Variants in RSRC1 observed in about 807,000 individuals in gnomAD.
RSRC1 encodes serine/Arginine-related protein 53.
A neutral mutation model predicts 49.1 loss-of-function variants in RSRC1; 39 were observed. That is an observed-to-expected ratio of 0.79 (90% CI 0.61 to 1.04). RSRC1 has a LOEUF of 1.04. Ranked by LOEUF, RSRC1 falls within the 50% of genes least tolerant of loss-of-function variation. The pLI is 0.00. For missense variants in RSRC1, 388 were observed against 402.4 expected (o/e 0.96, Z 0.31); for synonymous variants, 143 against 130.8 (o/e 1.09, Z -0.63).
intron 6 of RSRC1, among the ~76,000 whole-genome samples, chr3:158,450,112 C>T (rs1284148768): frequency 6.6e-6 from 1 of 151,952 alleles, no homozygotes; most frequent in African/African-American, 2.4e-5. Context: ...CCTTCTTCAT[C>T]TTTCCATCCT....
intron 7 of RSRC1, among the ~76,000 whole-genome samples, chr3:158,516,274 T>A (rs1187227026): frequency 6.6e-6 from 1 of 151,748 alleles, no homozygotes; most frequent in Non-Finnish European, 1.5e-5. Flanking sequence ...GATGGGTTTT[T>A]GGTGTGGATG....
intron 3 of RSRC1, among the ~76,000 whole-genome samples, chr3:158,181,052 C>T (rs890760708): frequency 2.6e-5 from 4 of 152,052 alleles, no homozygotes; most frequent in Non-Finnish European, 4.4e-5. Flanking sequence ...GATCCGCCCA[C>T]CTTGGCCTCC....
At chr3:158,133,301 T>G (rs1716158378) in intron 3 of RSRC1, among the ~76,000 whole-genome samples, 2 of 152,200 alleles carry the variant, frequency 1.3e-5, no homozygotes, top group African/African-American at 4.8e-5. Flanking sequence ...ATCTTTATTT[T>G]GTCTTGTATC....
chr3:158,478,104 T>C (rs1050521923), intron 7 of RSRC1, among the ~76,000 whole-genome samples: 1 of 151,642 alleles, frequency 6.6e-6, no homozygotes, highest in South Asian at 2.1e-4. Context: ...TATTATAATA[T>C]CTTGCAAACC....
intron 1 of RSRC1, among the ~76,000 whole-genome samples, chr3:158,119,206 G>T (rs916881421): frequency 6.6e-6 from 1 of 152,074 alleles, no homozygotes; most frequent in Non-Finnish European, 1.5e-5. Flanking sequence ...CATTGTGCCT[G>T]CTCTGGTATC....
intron 7 of RSRC1, among the ~76,000 whole-genome samples, chr3:158,477,425 C>G (rs1235961007): frequency 6.6e-6 from 1 of 152,056 alleles, no homozygotes; most frequent in South Asian, 2.1e-4. Flanking sequence ...CTTCAGTGAC[C>G]ACCACCTTGA....
chr3:158,457,376 T>G (rs896671159), intron 6 of RSRC1, among the ~76,000 whole-genome samples: 1 of 152,182 alleles, frequency 6.6e-6, no homozygotes, highest in Non-Finnish European at 1.5e-5. Context: ...AGAGATTAGT[T>G]GGCTGGTGAA....
chr3:158,412,449 CT>C (rs897489688), intron 6 of RSRC1, among the ~76,000 whole-genome samples: 6 of 152,184 alleles, frequency 3.9e-5, no homozygotes, highest in Non-Finnish European at 5.9e-5. Context: ...GTGTCACCTT[CT>C]TTTGGGAGTC....
intron 6 of RSRC1, among the ~76,000 whole-genome samples, chr3:158,358,315 G>A (rs1276529694): frequency 6.6e-6 from 1 of 152,134 alleles, no homozygotes; most frequent in Non-Finnish European, 1.5e-5. Flanking sequence ...CTGATTTTGT[G>A]TAATTTTTTT....
At chr3:158,502,356 T>C (rs1366726061) in intron 7 of RSRC1, among the ~76,000 whole-genome samples, 1 of 144,396 alleles carries the variant, frequency 6.9e-6, no homozygotes, top group East Asian at 2.0e-4. Context: ...GATGATCTTT[T>C]TGCAGTGAAT....
intron 3 of RSRC1, among the ~76,000 whole-genome samples, chr3:158,161,279 T>C (rs1194158344): frequency 6.6e-6 from 1 of 152,178 alleles, no homozygotes; most frequent in Non-Finnish European, 1.5e-5. Flanking sequence ...ATCAGCTCTG[T>C]TCCTGTCTCT....
chr3:158,503,232 T>A (rs1303042361), intron 7 of RSRC1, among the ~76,000 whole-genome samples: 1 of 152,112 alleles, frequency 6.6e-6, no homozygotes, highest in African/African-American at 2.4e-5. Context: ...AGTCCTATGA[T>A]GTAAATCATC....
intron 5 of RSRC1, among the ~76,000 whole-genome samples, chr3:158,336,247 G>A (rs1479755795): frequency 6.6e-6 from 1 of 152,234 alleles, no homozygotes; most frequent in Non-Finnish European, 1.5e-5. Context: ...CCATTCATTG[G>A]TCCGGCCCCT....
chr3:158,420,057 C>T (rs1462800661), intron 6 of RSRC1, among the ~76,000 whole-genome samples: 2 of 151,846 alleles, frequency 1.3e-5, no homozygotes, highest in Admixed American at 6.6e-5. Context: ...TAGGCAGGCT[C>T]ACAAAAGCCT....
chr3:158,499,553 C>A (rs1342107670), intron 7 of RSRC1, among the ~76,000 whole-genome samples: 1 of 152,108 alleles, frequency 6.6e-6, no homozygotes, highest in Non-Finnish European at 1.5e-5. Flanking sequence ...TCTATGATTT[C>A]TTTCAGCAGT....
At chr3:158,234,609 A>C (rs185537950) in intron 4 of RSRC1, among the ~76,000 whole-genome samples, 1 of 152,170 alleles carries the variant, frequency 6.6e-6, no homozygotes, top group East Asian at 1.9e-4. Context: ...TTTTTTTAAA[A>C]AGGATATATA....
rs1729680147 is a variant in RSRC1 at position 158,333,471 on chromosome 3, A to G, written c.532-21386A>G. 2.0e-5 allele frequency among the ~76,000 whole-genome samples: 3 copies of G among 152,362 alleles called. No homozygotes were observed. The South Asian group carries it at 6.2e-4, about 32-fold the overall frequency. ...AAATTATTTTTTGTAACACATTTAT[A>G]GTAGCATGAAATAAAGTATGTGTTT... On this transcript the variant is annotated intron_variant, in intron 5 of 9. Coordinates refer to ENST00000611884, the MANE Select transcript of RSRC1 (RefSeq NM_001271838.2).
chr3:158,186,326 G>A (rs1191944278), intron 3 of RSRC1, among the ~76,000 whole-genome samples: 1 of 151,848 alleles, frequency 6.6e-6, no homozygotes, highest in Non-Finnish European at 1.5e-5. Context: ...TATGCTTATG[G>A]AGCAGCTGTT....
chr3:158,161,129 A>G (rs1314564287), intron 3 of RSRC1, among the ~76,000 whole-genome samples: 1 of 152,148 alleles, frequency 6.6e-6, no homozygotes, highest in Non-Finnish European at 1.5e-5. Context: ...TTGACACAAT[A>G]ATGCTGCATA....
Sources: gnomAD v4.1 joint callset for allele counts (sites outside exome capture counted in the v4.1 genomes callset) on GRCh38, gnomAD v4.1.1 for gene constraint, MANE v1.5 for transcripts, NCBI Gene and HGNC (gene_info 2026-07-23, HGNC 2026-07-21) for gene names.